ZDHHC8: variants seen among roughly 807,000 people sequenced by gnomAD.
ZDHHC8 encodes palmitoyltransferase ZDHHC8.
Under a neutral mutation model 61.2 loss-of-function variants are expected in ZDHHC8, and 24 were observed. That is an observed-to-expected ratio of 0.39 (90% CI 0.28 to 0.55). ZDHHC8 has a LOEUF of 0.55. Ranked by LOEUF, ZDHHC8 falls within the 20% of genes least tolerant of loss-of-function variation. The probability of loss-of-function intolerance (pLI) is 0.60; values close to 1 mark genes in which losing one functional copy is unlikely to be tolerated. For missense variants in ZDHHC8, 935 were observed against 1,102.1 expected, an observed-to-expected ratio of 0.85 and a Z score of 2.15; for synonymous variants, 523 against 492.5, an observed-to-expected ratio of 1.06 and a Z score of -0.82.
At position 20,132,070 on chromosome 22, in the gene ZDHHC8, T is replaced by G. The variant is rs2148000693; in HGVS notation, c.104+19T>G. 1.6e-6 allele frequency: 2 copies of G among 1,264,138 alleles called. No individual in the cohort carries two copies. Among genetic ancestry groups the G allele is most frequent in the African/African-American group, 1.6e-5 (1 of 63,956 alleles). The allele number at this position is 1,264,138 out of a possible 1,614,324, so 78.3% of individuals were successfully genotyped here. A position where few individuals can be genotyped will look rare whatever the true frequency, so the allele number is the denominator to read the frequency against. ...TGTTCACGTGAGTCGGCGCCGCGTC[T>G]GGGGGCACGCGGGCAGCGATGGGCA... is the stretch of plus-strand genomic sequence containing the variant. On this transcript the variant is annotated intron_variant, in intron 1 of 10. Coordinates refer to ENST00000334554, the MANE Select transcript of ZDHHC8 (RefSeq NM_013373.4).
intron 6 of ZDHHC8, 68 bp from the exon 7 acceptor site, chr22:20,140,803 A>T: frequency 6.3e-7 from 1 of 1,597,048 alleles, no homozygotes; most frequent in Non-Finnish European, 8.5e-7. Context: ...CTTGCCAGGT[A>T]TGGCCAGCCC....
rs773211725 is a variant in ZDHHC8 at position 20,143,152 on chromosome 22, T to G, written c.1522T>G (p.Tyr508Asp). 5 of 1,611,644 alleles carry G rather than the reference T, an allele frequency of 3.1e-6. No homozygotes were observed. The highest frequency in any genetic ancestry group is 8.5e-7 in the Non-Finnish European group (1 of 1,179,782). ...AVGVAGYHSP[Y>D]LHPGATGDPP... ...TGGCGTGGCCGGATACCACTCACCCTACCTGCATCCTGGGGCAACGGGCGA... is the reference window on the plus strand; with the variant it reads ...TGGCGTGGCCGGATACCACTCACCCGACCTGCATCCTGGGGCAACGGGCGA... The change falls in exon 10 of 11, where the codon TAC becomes GAC. Residue 508 changes from tyrosine to aspartate, a missense_variant. Physicochemically the swap from Tyr to Asp is radical, Grantham distance 160. This residue lies in a region of ZDHHC8 where 692 missense variants were observed against 731.4 expected (regional missense o/e 0.95). Transcript: ENST00000334554.
Position 20,142,970 on chromosome 22 carries a change from C to A in ZDHHC8, c.1340C>A (p.Ala447Asp). 1 of 1,602,492 alleles carries A rather than the reference C, an allele frequency of 6.2e-7. No individual in the cohort carries two copies. The highest frequency in any genetic ancestry group is 8.5e-7 in the Non-Finnish European group (1 of 1,173,302). The change falls in exon 10 of 11, where the codon GCC (alanine) becomes GAC (aspartate). Residue 447 changes from alanine to aspartate, a missense_variant. Physicochemically the swap from Ala to Asp is moderately radical, Grantham distance 126. Around this residue, in one of 3 missense-constraint regions of ZDHHC8, gnomAD observed 692 missense variants for 731.4 expected, o/e 0.95. Transcript: ENST00000334554. Reference sequence around the variant, plus strand: ...AGCCGGCGGGGCGGGGATCATGTGGCCCTGCAGCCCCTGCGCTCTGAGGGG... The same window carrying A: ...AGCCGGCGGGGCGGGGATCATGTGGACCTGCAGCCCCTGCGCTCTGAGGGG... Reference protein sequence around the residue: ...ASSRRGGDHVALQPLRSEGGP... With the variant: ...ASSRRGGDHVDLQPLRSEGGP...
Position 20,139,218 on chromosome 22 carries a change from G to T in ZDHHC8, c.129G>T (p.Val43=), listed in dbSNP as rs61737216. 0.054 allele frequency: 87,564 copies of T among 1,613,786 alleles called. 2,656 individuals carry two copies. The highest frequency in any genetic ancestry group is 0.099 in the South Asian group (9,006 of 91,080). ...GGTGCCCGTGGTTGACACGAGCTGT[G>T]TCCCCAGCTGTTCCCGTCTACAATG... ...VFTCPWLTRA[V]SPAVPVYNGI... is the part of the protein sequence containing the mutation. The change falls in exon 2 of 11, where the codon GTG becomes GTT. Residue 43 remains valine (V), a synonymous_variant. Transcript: ENST00000334554.
intron 5 of ZDHHC8, 69 bp downstream of exon 5, chr22:20,140,286 G>C: frequency 6.8e-7 from 1 of 1,464,578 alleles, no homozygotes; most frequent in Non-Finnish European, 9.3e-7. Context: ...GGGACAGGGT[G>C]GGGGCTGGGG....
Position 20,139,514 on chromosome 22 carries a change from C to A in ZDHHC8, c.263C>A (p.Ala88Asp). The change falls in exon 3 of 11, where the codon GCT (alanine) becomes GAT (aspartate). Residue 88 changes from alanine to aspartate, a missense_variant. By Grantham distance (126) the Ala-to-Asp change is moderately radical. Around this residue, in one of 3 missense-constraint regions of ZDHHC8, gnomAD observed 199 missense variants for 334.0 expected, o/e 0.60. Transcript: ENST00000334554. ...EDEDKEDDFR[A>D]PLYKNVDVRG... is the part of the protein sequence containing the mutation. ...GAGGACAAGGAGGACGACTTCCGGG[C>A]TCCGCTGTACAAGAACGTGGATGTG... 1 of 1,613,634 alleles carries A rather than the reference C, an allele frequency of 6.2e-7. No individual in the cohort carries two copies. Among genetic ancestry groups the A allele is most frequent in the Non-Finnish European group, 8.5e-7 (1 of 1,180,008 alleles).
intron 1 of ZDHHC8, among the ~76,000 whole-genome samples, chr22:20,137,201 A>G (rs965336909): frequency 1.6e-4 from 25 of 152,226 alleles, no homozygotes; most frequent in African/African-American, 5.5e-4. Context: ...TTCCCAAAGT[A>G]GCCCCACGGC....
At chr22:20,140,452 T>C in intron 5 of ZDHHC8, 165 bp from the exon 6 acceptor site, 1 of 839,328 alleles carries the variant, frequency 1.2e-6, no homozygotes, top group Non-Finnish European at 1.8e-6. Flanking sequence ...TCCCTGCAAG[T>C]TCAGGCTGGG....
chr22:20,147,262 A>C lies in ZDHHC8; in HGVS notation c.*1862A>C. The C allele has an allele frequency of 7.1e-7, 1 of 1,415,044 alleles. No individual in the cohort carries two copies. The highest frequency in any genetic ancestry group is 3.2e-5 in the Admixed American group (1 of 31,426). 87.7% of individuals were successfully genotyped at this position (1,415,044 alleles called of 1,614,324 possible). The stretch of plus-strand genomic sequence containing the variant: ...TGACAAGTAGGCGGCTCTGGGGCCC[A>C]GGACAGCCCAGCTGGGGACCCAGGA... On this transcript the variant is annotated 3_prime_UTR_variant, in exon 11 of 11. Coordinates refer to ENST00000334554, the MANE Select transcript of ZDHHC8 (RefSeq NM_013373.4).
Position 20,145,220 on chromosome 22 carries a change from T to C in ZDHHC8, c.2127-9T>C, listed in dbSNP as rs1249133411. ...GTGTGCATGTGTGTATGTGCTTGTT[T>C]TGATGCAGGGACCACCCTCAGCTGA... On this transcript the variant is annotated splice_polypyrimidine_tract_variant and intron_variant, in intron 10 of 10. Transcript: ENST00000334554. 1 of 1,480,550 alleles carries C rather than the reference T, an allele frequency of 6.8e-7. No individual in the cohort carries two copies. Among genetic ancestry groups the C allele is most frequent in the East Asian group, 2.5e-5 (1 of 39,758 alleles). The allele number at this position is 1,480,550 out of a possible 1,614,324, so 91.7% of individuals were successfully genotyped here. A position where few individuals can be genotyped will look rare whatever the true frequency, so the allele number is the denominator to read the frequency against.
intron 1 of ZDHHC8, among the ~76,000 whole-genome samples, chr22:20,138,146 C>T (rs1447007605): frequency 2.0e-5 from 3 of 152,254 alleles, no homozygotes; most frequent in South Asian, 2.1e-4. Context: ...GAGTGGTAGG[C>T]AGCGCGTGGG....
chr22:20,146,686 C>G lies in ZDHHC8; in HGVS notation c.*1286C>G. The stretch of plus-strand genomic sequence containing the variant: ...AGGGTCTCTCGCCTTGGGTCTGTGT[C>G]AGTTCTGGCAGTGACAGGGTGTTTG... On this transcript the variant is annotated 3_prime_UTR_variant, in exon 11 of 11. Transcript: ENST00000334554. 9.2e-7 allele frequency: 1 copy of G among 1,088,404 alleles called. No individual in the cohort carries two copies. 67.4% of individuals were successfully genotyped at this position (1,088,404 alleles called of 1,614,324 possible). A position where few individuals can be genotyped will look rare whatever the true frequency, so the allele number is the denominator to read the frequency against.
Position 20,143,555 on chromosome 22 carries a change from C to T in ZDHHC8, c.1925C>T (p.Ser642Leu), listed in dbSNP as rs770122984. The change falls in exon 10 of 11, where the codon TCG (serine) becomes TTG (leucine). Residue 642 changes from serine (S) to leucine (L), a missense_variant. Ser to Leu is a moderately radical substitution (Grantham distance 145). This residue lies in a region of ZDHHC8 where 692 missense variants were observed against 731.4 expected (regional missense o/e 0.95). Transcript: ENST00000334554. ...TCCGTGAGCCGTGCACCGCGGACGT[C>T]GTCCTCCTCCCTGCAGGCTGATCAG... is the stretch of plus-strand genomic sequence containing the variant. ...SSSVSRAPRT[S>L]SSSLQADQAS... The T allele has an allele frequency of 8.8e-6, 14 of 1,596,310 alleles. No homozygotes were observed. Among genetic ancestry groups the T allele is most frequent in the East Asian group, 2.2e-5 (1 of 44,656 alleles).
In ZDHHC8 at chr22:20,143,594, C is replaced by T; in HGVS notation, c.1964C>T (p.Ala655Val). 2 of 1,600,710 alleles carry T rather than the reference C, an allele frequency of 1.2e-6. No homozygotes were observed. Among genetic ancestry groups the T allele is most frequent in the East Asian group, 2.2e-5 (1 of 44,766 alleles). Residue 655 changes from alanine (A) to valine (V), a missense_variant, in exon 10 of 11, where the codon GCC (alanine) becomes GTC (valine). Physicochemically the swap from Ala to Val is moderately conservative, Grantham distance 64. Transcript: ENST00000334554. ...CAGGCTGATCAGGCCAGCAGCAACGCCCCGGGGCCCCGGCCCAGCAGTGGC... is the reference window on the plus strand; with the variant it reads ...CAGGCTGATCAGGCCAGCAGCAACGTCCCGGGGCCCCGGCCCAGCAGTGGC... Reference protein sequence around the residue: ...SLQADQASSNAPGPRPSSGSH... With the variant: ...SLQADQASSNVPGPRPSSGSH...
intron 10 of ZDHHC8, among the ~76,000 whole-genome samples, chr22:20,144,605 G>A (rs142854185): frequency 0.012 from 1,773 of 152,336 alleles, 14 homozygotes; most frequent in Middle Eastern, 0.024. Context: ...AGCCCTGAGC[G>A]GGTCTCCTCT....
intron 10 of ZDHHC8, among the ~76,000 whole-genome samples, chr22:20,144,168 G>A (rs2050501431): frequency 6.6e-6 from 1 of 152,090 alleles, no homozygotes; most frequent in African/African-American, 2.4e-5. Flanking sequence ...CTGCTTGGCT[G>A]CATCTCTAGG....
chr22:20,141,159 T>C, intron 7 of ZDHHC8, 58 bp from the exon 8 acceptor site: 1 of 1,588,334 alleles, frequency 6.3e-7, no homozygotes, highest in Non-Finnish European at 8.6e-7. Flanking sequence ...GCTGAATCCC[T>C]AGTGAAGCCC....
rs2050459084 is a variant in ZDHHC8 at position 20,140,553 on chromosome 22, G to GC, written c.661-59dup. On this transcript the variant is annotated intron_variant, in intron 5 of 10. Transcript: ENST00000334554. ...TAAGGAACCCCAGCTCCCTTGCCCAGCCCCCTGCCCACCCTGGCCTGGACC... is the reference window on the plus strand; with the variant it reads ...TAAGGAACCCCAGCTCCCTTGCCCAGCCCCCCTGCCCACCCTGGCCTGGACC... The GC allele has an allele frequency of 1.4e-5, 21 of 1,472,072 alleles. No homozygotes were observed. The South Asian group carries it at 2.9e-4, about 20-fold the overall frequency. The allele number at this position is 1,472,072 out of a possible 1,614,324, so 91.2% of individuals were successfully genotyped here.
Position 20,146,902 on chromosome 22 carries a change from G to C in ZDHHC8, c.*1502G>C, listed in dbSNP as rs905730438. On this transcript the variant is annotated 3_prime_UTR_variant, in exon 11 of 11. Coordinates refer to ENST00000334554, the MANE Select transcript of ZDHHC8 (RefSeq NM_013373.4). ...GAGGGAGTGTGAGGGATGCACAGCT[G>C]TTCAGGGCTGAGACATTCTGGGCTG... 1.5e-6 allele frequency: 2 copies of C among 1,328,378 alleles called. No individual in the cohort carries two copies. The highest frequency in any genetic ancestry group is 3.1e-5 in the African/African-American group (2 of 64,808). 82.3% of individuals were successfully genotyped at this position (1,328,378 alleles called of 1,614,324 possible).
Sources: gnomAD v4.1 joint callset for allele counts (sites outside exome capture counted in the v4.1 genomes callset) on GRCh38, gnomAD v4.1.1 for gene constraint, gnomAD v4.1.1 regional missense constraint, MANE v1.5 for transcripts, NCBI Gene and HGNC (gene_info 2026-07-23, HGNC 2026-07-21) for gene names.